Variants in ALG5 observed in about 807,000 individuals in gnomAD.
ALG5 encodes dolichyl-phosphate beta-glucosyltransferase.
ALG5 carries 26 observed loss-of-function variants against 51.8 expected under a neutral mutation model. The ratio of observed to expected loss-of-function variants is 0.50; its 90% CI spans 0.37 to 0.70. The LOEUF (loss-of-function observed/expected upper bound fraction) is 0.70. ALG5 is among the 30% of genes least tolerant of loss of function. ALG5 has a pLI of 0.00. For synonymous variants in ALG5, 141 were observed against 136.1 expected, an observed-to-expected ratio of 1.04 and a Z score of -0.25; for missense variants, 311 against 399.3, an observed-to-expected ratio of 0.78 and a Z score of 1.88.
chr13:36,950,727 G>A (rs1266862130), intron 9 of ALG5, among the ~76,000 whole-genome samples: 5 of 151,970 alleles, frequency 3.3e-5, no homozygotes, highest in African/African-American at 1.2e-4. Flanking sequence ...TGGGAGTACA[G>A]GAGGCACGCA....
chr13:36,989,846 C>T (rs1161609179), intron 4 of ALG5, among the ~76,000 whole-genome samples: 2 of 152,144 alleles, frequency 1.3e-5, no homozygotes, highest in South Asian at 2.1e-4. Context: ...ACCTAAGCTA[C>T]TGAGCTGCTA....
rs73539794 is a variant in ALG5 at position 36,971,042 on chromosome 13, G to A, written c.621+935C>T. Among the ~76,000 whole-genome samples the A allele has an allele frequency of 1.2e-3, 180 of 152,066 alleles. 1 individual carries two copies. Among genetic ancestry groups the A allele is most frequent in the African/African-American group, 4.2e-3 (175 of 41,478 alleles). On this transcript the variant is annotated intron_variant, in intron 7 of 9. Transcript: ENST00000239891. ...TAAAATTTCTACATATCTCTCTTCC[G>A]AATCATTGGGGGAAAGGTTCAACCT...
chr13:36,953,150 G>T (rs573454847), intron 8 of ALG5, among the ~76,000 whole-genome samples: 1 of 152,078 alleles, frequency 6.6e-6, no homozygotes, highest in Non-Finnish European at 1.5e-5. Context: ...ATATAATACT[G>T]GCAACTATTG....
At chr13:36,976,382 C>T (rs558678730) in intron 6 of ALG5, among the ~76,000 whole-genome samples, 1 of 136,358 alleles carries the variant, frequency 7.3e-6, no homozygotes, top group Admixed American at 8.0e-5. Context: ...GACAAGATTG[C>T]GCCATTGCAC....
intron 1 of ALG5, among the ~76,000 whole-genome samples, chr13:36,995,944 G>C (rs145476372): frequency 6.6e-6 from 1 of 152,052 alleles, no homozygotes; most frequent in South Asian, 2.1e-4. Flanking sequence ...CTGATCCTTA[G>C]CGTGTCTACA....
intron 8 of ALG5, among the ~76,000 whole-genome samples, chr13:36,953,124 T>C (rs1451132001): frequency 1.3e-5 from 2 of 152,192 alleles, no homozygotes; most frequent in Non-Finnish European, 2.9e-5. Flanking sequence ...TCCCCTTCCC[T>C]GTGGTGTCCT....
chr13:36,969,225 C>T (rs2058909532), intron 7 of ALG5, among the ~76,000 whole-genome samples: 1 of 152,070 alleles, frequency 6.6e-6, no homozygotes, highest in South Asian at 2.1e-4. Flanking sequence ...AATGCAAGTT[C>T]TAAGTGAAAA....
In ALG5 at chr13:36,999,222, T is replaced by C. The variant is rs2138837646; in HGVS notation, c.66+13A>G. 1.3e-6 allele frequency: 2 copies of C among 1,569,820 alleles called. No individual in the cohort carries two copies. The highest frequency in any genetic ancestry group is 2.3e-5 in the South Asian group (2 of 86,610). On this transcript the variant is annotated intron_variant, in intron 1 of 9. Transcript: ENST00000239891. ...AAGCCCCGGCCTGCGCGGGTTCCCA[T>C]CCCTGTTCTCACCAGTACGAGGGCT...
At chr13:36,993,411 A>C (rs2059034108) in intron 4 of ALG5, among the ~76,000 whole-genome samples, 193 bp downstream of exon 4, 1 of 152,228 alleles carries the variant, frequency 6.6e-6, no homozygotes, top group Non-Finnish European at 1.5e-5. Flanking sequence ...CTATCTGGCG[A>C]TCTTCAAAGC....
chr13:36,972,346 A>G (rs894213447), intron 6 of ALG5, among the ~76,000 whole-genome samples: 3 of 152,176 alleles, frequency 2.0e-5, no homozygotes, highest in African/African-American at 7.2e-5. Context: ...GTGGTATGAG[A>G]AAGAAAAGGG....
chr13:36,986,739 A>G (rs1022468504), intron 5 of ALG5, among the ~76,000 whole-genome samples: 6 of 152,184 alleles, frequency 3.9e-5, no homozygotes, highest in African/African-American at 1.4e-4. Context: ...AGTCTGGGCA[A>G]TACAGTGAGA....
intron 6 of ALG5, among the ~76,000 whole-genome samples, chr13:36,973,283 A>G (rs1350507409): frequency 4.6e-5 from 7 of 152,174 alleles, no homozygotes; most frequent in Non-Finnish European, 7.3e-5. Context: ...GAATAGACAA[A>G]TCCATGGACA....
rs552216639 is a variant in ALG5 at position 36,992,337 on chromosome 13, C to T, written c.354+1267G>A. Among the ~76,000 whole-genome samples the T allele has an allele frequency of 4.6e-5, 7 of 152,272 alleles. No individual in the cohort carries two copies. The South Asian group carries it at 1.2e-3, about 27-fold the overall frequency. On this transcript the variant is annotated intron_variant, in intron 4 of 9. Coordinates refer to ENST00000239891, the MANE Select transcript of ALG5 (RefSeq NM_013338.5). ...CAGCTGAAGAAATGTGTTCAAAGAA[C>T]AGTTATTTGTGCTGTAGATGTTTAC...
intron 8 of ALG5, among the ~76,000 whole-genome samples, chr13:36,959,425 A>G (rs1283562447): frequency 1.3e-5 from 2 of 152,238 alleles, no homozygotes; most frequent in Non-Finnish European, 2.9e-5. Context: ...TGTATTCATA[A>G]ATCATAATAT....
chr13:36,960,651 T>C lies in ALG5; in HGVS notation c.773+4924A>G, dbSNP rs138593175. Among the ~76,000 whole-genome samples, 12 of 151,656 alleles carry C rather than the reference T, an allele frequency of 7.9e-5. No homozygotes were observed. The East Asian group carries it at 2.1e-3, about 27-fold the overall frequency. ...CCTCAGCCTCCTGAGTAGGTGGGAC[T>C]ATGGGCATGTGCCACCACGCCTAGC... On this transcript the variant is annotated intron_variant, in intron 8 of 9. Coordinates refer to ENST00000239891, the MANE Select transcript of ALG5 (RefSeq NM_013338.5).
chr13:36,988,247 G>A (rs2059010783), intron 5 of ALG5, among the ~76,000 whole-genome samples: 1 of 152,206 alleles, frequency 6.6e-6, no homozygotes, highest in African/African-American at 2.4e-5. Context: ...AAACTGTGAT[G>A]TCCTTAAGGA....
chr13:36,976,658 G>A (rs1252172503), intron 6 of ALG5, among the ~76,000 whole-genome samples: 2 of 151,720 alleles, frequency 1.3e-5, no homozygotes, highest in Non-Finnish European at 2.9e-5. Flanking sequence ...TGAGGCAGGA[G>A]AATCGCTTGA....
At chr13:36,982,083 T>C (rs984214618) in intron 6 of ALG5, among the ~76,000 whole-genome samples, 1 of 152,048 alleles carries the variant, frequency 6.6e-6, no homozygotes, top group African/African-American at 2.4e-5. Flanking sequence ...AAAGCGAGAC[T>C]CTGTCTCAAA....
rs1171476230 is a variant in ALG5 at position 36,995,558 on chromosome 13, T to C, written c.105A>G (p.Pro35=). ...TCTCTTCTTCATGTCGATGGAGTGC[T>C]GGCATTTTTGTAGCAGTTGTAAATG... ...IVAFTTATKM[P]ALHRHEEEKF... is the part of the protein sequence containing the mutation. The change falls in exon 2 of 10, where the codon CCA becomes CCG. Residue 35 remains proline, a synonymous_variant. Transcript: ENST00000239891. 3.1e-6 allele frequency: 5 copies of C among 1,605,584 alleles called. No individual in the cohort carries two copies. In the South Asian group the frequency reaches 3.4e-5, roughly 11 times the overall value.
Sources: gnomAD v4.1 joint callset for allele counts (sites outside exome capture counted in the v4.1 genomes callset) on GRCh38, gnomAD v4.1.1 for gene constraint, MANE v1.5 for transcripts, NCBI Gene and HGNC (gene_info 2026-07-23, HGNC 2026-07-21) for gene names.